FAF1: variants seen among roughly 807,000 people sequenced by gnomAD.
The protein encoded by FAF1 is FAS-associated factor 1.
In FAF1, 25 loss-of-function variants were observed where a neutral mutation model predicts 92.5. The observed-to-expected ratio is 0.27, with a 90% CI of 0.20 to 0.38. FAF1 has a LOEUF of 0.38. Among genes scored for constraint, FAF1 ranks in the 10% least tolerant of loss-of-function variants. The pLI is 1.00. For synonymous variants in FAF1, 234 were observed against 273.2 expected (o/e 0.86, Z 1.42); for missense variants, 636 against 793.3 (o/e 0.80, Z 2.38).
At chr1:50,804,274 A>T (rs1044321130) in intron 2 of FAF1, among the ~76,000 whole-genome samples, 1 of 152,228 alleles carries the variant, frequency 6.6e-6, no homozygotes, top group Non-Finnish European at 1.5e-5. Flanking sequence ...CTGAAAAATC[A>T]CAGCTACGTT....
chr1:50,732,893 CT>C (rs200456232), intron 6 of FAF1, among the ~76,000 whole-genome samples: 13,474 of 144,326 alleles, frequency 0.093, 613 homozygotes, highest in African/African-American at 0.11. Context: ...TTATTTACTT[CT>C]TTTTTTTTTT....
chr1:50,910,143 G>A (rs1644873008), intron 1 of FAF1, among the ~76,000 whole-genome samples: 1 of 152,144 alleles, frequency 6.6e-6, no homozygotes, highest in Non-Finnish European at 1.5e-5. Context: ...TTTGCTGGAG[G>A]TCCACTCCAG....
rs554098454 is a variant in FAF1, at chr1:50,917,333, TAA to T, written c.45+42432_45+42433del. On this transcript the variant is annotated intron_variant, in intron 1 of 18. Transcript: ENST00000396153. Reference sequence around the variant, plus strand: ...ATAAGATCCTGAAATCGAGAGAACTTAAAGAGGAAGCTGACTTCTGCTAGGGA... The same window carrying T: ...ATAAGATCCTGAAATCGAGAGAACTTAGAGGAAGCTGACTTCTGCTAGGGA... Among the ~76,000 whole-genome samples, 3 of 152,116 alleles carry T rather than the reference TAA, an allele frequency of 2.0e-5. No homozygotes were observed. In the East Asian group the frequency reaches 5.8e-4, roughly 29 times the overall value.
intron 18 of FAF1, among the ~76,000 whole-genome samples, chr1:50,448,371 C>A (rs1042048521): frequency 1.1e-4 from 15 of 140,236 alleles, no homozygotes; most frequent in African/African-American, 3.8e-4. Flanking sequence ...AAAATTGAGA[C>A]CTTTTTTTTG....
At chr1:50,833,021 T>G (rs1644168516) in intron 2 of FAF1, among the ~76,000 whole-genome samples, 1 of 152,110 alleles carries the variant, frequency 6.6e-6, no homozygotes, top group Admixed American at 6.6e-5. Context: ...TGGCCTTTTT[T>G]TCCCCCTTAC....
chr1:50,564,468 T>A (rs1349695283), intron 13 of FAF1, among the ~76,000 whole-genome samples: 2 of 152,134 alleles, frequency 1.3e-5, no homozygotes, highest in African/African-American at 4.8e-5. Context: ...TATTAATATG[T>A]CCCCATTTCA....
chr1:50,527,693 C>G (rs1490531008), intron 15 of FAF1, among the ~76,000 whole-genome samples: 1 of 152,176 alleles, frequency 6.6e-6, no homozygotes, highest in Non-Finnish European at 1.5e-5. Flanking sequence ...TGTAAAGTAT[C>G]TCTCTAGTAG....
intron 8 of FAF1, among the ~76,000 whole-genome samples, chr1:50,597,059 A>G (rs550460349): frequency 1.3e-5 from 2 of 152,348 alleles, no homozygotes; most frequent in East Asian, 3.9e-4. Flanking sequence ...AGATAGGGAT[A>G]GTATTTGATT....
intron 1 of FAF1, among the ~76,000 whole-genome samples, chr1:50,861,125 C>T (rs1430823076): frequency 2.0e-5 from 3 of 151,702 alleles, no homozygotes; most frequent in Non-Finnish European, 4.4e-5. Context: ...ATGTTGAGTA[C>T]CTGAGTGACA....
chr1:50,906,069 A>G (rs536614049), intron 1 of FAF1, among the ~76,000 whole-genome samples: 1 of 152,282 alleles, frequency 6.6e-6, no homozygotes, highest in East Asian at 1.9e-4. Flanking sequence ...GGTGTAAGGA[A>G]GGGATCCAGT....
chr1:50,620,048 A>T (rs1257469848), intron 8 of FAF1, among the ~76,000 whole-genome samples: 1 of 151,972 alleles, frequency 6.6e-6, no homozygotes, highest in Non-Finnish European at 1.5e-5. Context: ...AGCTGGGACT[A>T]CAGGTGCCCA....
chr1:50,571,543 G>A (rs1402368732), intron 12 of FAF1, among the ~76,000 whole-genome samples: 1 of 152,216 alleles, frequency 6.6e-6, no homozygotes, highest in Non-Finnish European at 1.5e-5. Flanking sequence ...GGTTTTGAAA[G>A]CAATTTCAAG....
At chr1:50,536,704 TA>T (rs1648499860) in intron 14 of FAF1, among the ~76,000 whole-genome samples, 1 of 152,190 alleles carries the variant, frequency 6.6e-6, no homozygotes, top group South Asian at 2.1e-4. Context: ...GTTCTAACTC[TA>T]ATTCCATTAC....
chr1:50,775,446 G>A (rs192144633), intron 4 of FAF1, among the ~76,000 whole-genome samples: 2 of 152,230 alleles, frequency 1.3e-5, no homozygotes, highest in East Asian at 1.9e-4. Context: ...TGGGATCATA[G>A]CGGATGATTC....
At chr1:50,584,593 A>C in intron 10 of FAF1, 92 bp downstream of exon 10, 1 of 1,227,762 alleles carries the variant, frequency 8.1e-7, no homozygotes, top group Non-Finnish European at 1.1e-6. Flanking sequence ...CCTGGAGGTC[A>C]GTAAGAGATG....
chr1:50,605,910 T>C (rs1398793878), intron 8 of FAF1, among the ~76,000 whole-genome samples: 1 of 152,258 alleles, frequency 6.6e-6, no homozygotes, highest in Non-Finnish European at 1.5e-5. Context: ...GTCAGGCACT[T>C]GGATCCAAAT....
chr1:50,614,918 T>G (rs190060547), intron 8 of FAF1, among the ~76,000 whole-genome samples: 362 of 152,296 alleles, frequency 2.4e-3, no homozygotes, highest in African/African-American at 8.2e-3. Flanking sequence ...TTTATTTTTA[T>G]TTTTTAAATT....
chr1:50,696,110 G>A (rs1039680766), intron 7 of FAF1, among the ~76,000 whole-genome samples: 3 of 152,042 alleles, frequency 2.0e-5, no homozygotes, highest in African/African-American at 7.2e-5. Context: ...CAATGGAAGA[G>A]GTATTACATG....
intron 2 of FAF1, among the ~76,000 whole-genome samples, chr1:50,808,384 T>A (rs747289577): frequency 6.6e-6 from 1 of 152,132 alleles, no homozygotes; most frequent in South Asian, 2.1e-4. Context: ...AACAACAAGA[T>A]GACAGGATAA....
Sources: allele counts gnomAD v4.1 joint callset (sites outside exome capture counted in the v4.1 genomes callset), GRCh38; gene constraint gnomAD v4.1.1; transcripts MANE v1.5; gene names NCBI Gene and HGNC (gene_info 2026-07-23, HGNC 2026-07-21).